The following ATP8B3 variants were observed in gnomAD, a reference collection of about 807,000 sequenced individuals.
The protein encoded by ATP8B3 is ATPase phospholipid transporting 8B3.
In ATP8B3, 141 loss-of-function variants were observed where a neutral mutation model predicts 140.9. The observed-to-expected ratio is 1.00, with a 90% CI of 0.87 to 1.15. ATP8B3 has a LOEUF of 1.15. Among genes scored for constraint, ATP8B3 ranks in the 50% most tolerant of loss-of-function variants. The probability of loss-of-function intolerance (pLI) is 0.00; values close to 1 mark genes in which losing one functional copy is unlikely to be tolerated. For synonymous variants in ATP8B3, 765 were observed against 714.6 expected, an observed-to-expected ratio of 1.07 and a Z score of -1.13; for missense variants, 1,874 against 1,740.6, an observed-to-expected ratio of 1.08 and a Z score of -1.36.
chr19:1,808,233 T>A lies in ATP8B3; in HGVS notation c.505A>T (p.Ile169Phe). The change falls in exon 5 of 29, where the codon ATC (isoleucine) becomes TTC (phenylalanine). Residue 169 changes from isoleucine (I) to phenylalanine (F), a missense_variant. Physicochemically the swap from Ile to Phe is conservative, Grantham distance 21 (BLOSUM62 0). Coordinates refer to ENST00000310127, the MANE Select transcript of ATP8B3 (RefSeq NM_138813.4). ...RVSNLFFLII[I>F]ILQSIPDIST... is the part of the protein sequence containing the mutation. ...GCAACACGCCTCACCTGCAGGATGATGATGATGAGGAAGAACAGGTTGGAC... is the reference window on the plus strand; with the variant it reads ...GCAACACGCCTCACCTGCAGGATGAAGATGATGAGGAAGAACAGGTTGGAC... The A allele has an allele frequency of 5.0e-6, 8 of 1,611,038 alleles. No individual in the cohort carries two copies. The highest frequency in any genetic ancestry group is 5.9e-6 in the Non-Finnish European group (7 of 1,178,156).
rs2068398780 is a variant in ATP8B3 at position 1,789,091 on chromosome 19, G to T, written c.2875C>A (p.Gln959Lys). 1.3e-6 allele frequency: 2 copies of T among 1,577,778 alleles called. No individual in the cohort carries two copies. The highest frequency in any genetic ancestry group is 1.3e-5 in the African/African-American group (1 of 74,250). Residue 959 changes from glutamine to lysine, a missense_variant, in exon 24 of 29, where the codon CAG becomes AAG. Coordinates refer to ENST00000310127, the MANE Select transcript of ATP8B3 (RefSeq NM_138813.4). ...TTCTGAACTGCCTGCATGCCCTCCT[G>T]GCCCGCCAGCCCCACGCCCACGTCC... The part of the protein sequence containing the change: ...TADVGVGLAG[Q>K]EGMQAVQNSD...
chr19:1,802,782 AG>A lies in ATP8B3; in HGVS notation c.905-138del, dbSNP rs2068896567. On this transcript the variant is annotated intron_variant, in intron 10 of 28. Transcript: ENST00000310127. ...CCCCAAACTTGCCCTATGGTGCCCC[AG>A]CACTGGGCTGCCTCCAAAGCCTTCC... 3 of 1,055,196 alleles carry A rather than the reference AG, an allele frequency of 2.8e-6. No homozygotes were observed. The East Asian group carries it at 7.9e-5, about 28-fold the overall frequency. 65.4% of individuals were successfully genotyped at this position (1,055,196 alleles called of 1,614,324 possible). A position where few individuals can be genotyped will look rare whatever the true frequency, so the allele number is the denominator to read the frequency against.
intron 25 of ATP8B3, among the ~76,000 whole-genome samples, chr19:1,786,191 C>T (rs755437271): frequency 1.3e-5 from 2 of 152,066 alleles, no homozygotes; most frequent in Non-Finnish European, 2.9e-5. Flanking sequence ...GCCACACGAA[C>T]GCACTAGGTG....
At position 1,795,838 on chromosome 19, in the gene ATP8B3, CACACACACAT is replaced by C. The variant is rs756963151; in HGVS notation, c.2055+27_2055+36del. 1.1e-4 allele frequency: 144 copies of C among 1,289,724 alleles called. No individual in the cohort carries two copies. In the African/African-American group the frequency reaches 1.3e-3, roughly 11 times the overall value. 79.9% of individuals were successfully genotyped at this position (1,289,724 alleles called of 1,614,324 possible). On this transcript the variant is annotated intron_variant, in intron 18 of 28. Transcript: ENST00000310127. ...ACACACACACACACACACACACACA[CACACACACAT>C]AAGCCAGCCTTCCTGAAGGGACTCA... is the stretch of plus-strand genomic sequence containing the variant.
chr19:1,805,998 A>G lies in ATP8B3; in HGVS notation c.751-40T>C. 1 of 1,608,532 alleles carries G rather than the reference A, an allele frequency of 6.2e-7. No individual in the cohort carries two copies. Among genetic ancestry groups the G allele is most frequent in the Non-Finnish European group, 8.5e-7 (1 of 1,178,720 alleles). On this transcript the variant is annotated intron_variant, in intron 8 of 28. Coordinates refer to ENST00000310127, the MANE Select transcript of ATP8B3 (RefSeq NM_138813.4). This position sits in a 1 kb window ranked among gnomAD's most constrained non-coding sequence, Gnocchi z 5.2. ...GGGGCAGCGTTGCAAGAGGGGATGC[A>G]AGACAAATTGGGGGTGCGGCAGCCC... is the stretch of plus-strand genomic sequence containing the variant.
intron 25 of ATP8B3, 32 bp downstream of exon 25, chr19:1,787,071 C>A: frequency 1.3e-6 from 2 of 1,540,454 alleles, no homozygotes; most frequent in Non-Finnish European, 1.8e-6. Context: ...AAGCAGAGAC[C>A]TGGAAGGAAG....
intron 18 of ATP8B3, 142 bp from the exon 19 acceptor site, chr19:1,792,277 G>A (rs1302902178): frequency 1.9e-6 from 2 of 1,026,324 alleles, no homozygotes; most frequent in Admixed American, 3.0e-5. Flanking sequence ...CAGCCAGAAG[G>A]GATTCAGAAA....
At chr19:1,793,082 CTTTTTTT>C (rs773629818) in intron 18 of ATP8B3, among the ~76,000 whole-genome samples, 1 of 138,250 alleles carries the variant, frequency 7.2e-6, no homozygotes. Context: ...ACAGCAAATT[CTTTTTTT>C]TTTTTTTTCT....
chr19:1,796,111 G>A lies in ATP8B3; in HGVS notation c.1908C>T (p.Asp636=). 2.5e-6 allele frequency: 4 copies of A among 1,613,014 alleles called. No individual in the cohort carries two copies. The highest frequency in any genetic ancestry group is 2.7e-5 in the African/African-American group (2 of 75,056). ...ACATCCGTTTGCGCGTGCTGTTGAA[G>A]TCCATTATGGCCAGGACCTGGTAGA... ...ERVYQVLAIM[D]FNSTRKRMSV... Residue 636 remains aspartate (D), a synonymous_variant, in exon 17 of 29, where the codon GAC becomes GAT. Transcript: ENST00000310127.
chr19:1,798,100 A>G (rs1036124257), intron 14 of ATP8B3, among the ~76,000 whole-genome samples: 2 of 151,830 alleles, frequency 1.3e-5, no homozygotes, highest in Non-Finnish European at 2.9e-5. Flanking sequence ...CCTCCTGAGT[A>G]GCTGGGACTA....
chr19:1,801,857 C>T (rs1247152160), intron 12 of ATP8B3, 99 bp downstream of exon 12: 2 of 893,526 alleles, frequency 2.2e-6, no homozygotes, highest in African/African-American at 3.3e-5. Context: ...GATCAGGCCG[C>T]ACATTTTGCA....
rs761032794 is a variant in ATP8B3 at position 1,782,869 on chromosome 19, A to G, written c.*159T>C. 8 of 911,092 alleles carry G rather than the reference A, an allele frequency of 8.8e-6. No individual in the cohort carries two copies. Among genetic ancestry groups the G allele is most frequent in the Non-Finnish European group, 1.3e-5 (8 of 614,054 alleles). The allele number at this position is 911,092 out of a possible 1,614,324, so 56.4% of individuals were successfully genotyped here. A position where few individuals can be genotyped will look rare whatever the true frequency, so the allele number is the denominator to read the frequency against. ...ATAGCCTGTTGCTGCTGGTGAGCAC[A>G]TATTTGGGGAGGGCAGGTTGGTTTT... On this transcript the variant is annotated 3_prime_UTR_variant, in exon 29 of 29. Transcript: ENST00000310127.
At chr19:1,784,073 G>A (rs995922950) in intron 28 of ATP8B3, among the ~76,000 whole-genome samples, 4 of 152,160 alleles carry the variant, frequency 2.6e-5, no homozygotes, top group African/African-American at 7.2e-5. Flanking sequence ...CGGCTCAGGC[G>A]TGTTTCATTG....
At chr19:1,790,257 G>A (rs1600406948) in intron 21 of ATP8B3, among the ~76,000 whole-genome samples, 1 of 29,416 alleles carries the variant, frequency 3.4e-5, no homozygotes, top group East Asian at 1.6e-3. Flanking sequence ...CCCCTCCACC[G>A]CCCACTCCCC....
intron 16 of ATP8B3, among the ~76,000 whole-genome samples, 165 bp downstream of exon 16, chr19:1,796,546 C>T (rs2068681621): frequency 6.6e-6 from 1 of 152,240 alleles, no homozygotes; most frequent in African/African-American, 2.4e-5. Flanking sequence ...TGTCTGGGCT[C>T]CAGGCCCGGA....
rs975462546 is a variant in ATP8B3 at position 1,812,252 on chromosome 19, A to G, written c.-215T>C. On this transcript the variant is annotated 5_prime_UTR_variant, in exon 1 of 29. Transcript: ENST00000310127. ...GGGCGGCGGACGTGGTGGAACCGTT[A>G]GCCCGGTGCCAACGGTCCTGAAACG... 2 of 150,472 alleles carry G rather than the reference A, an allele frequency of 1.3e-5. No individual in the cohort carries two copies. The highest frequency in any genetic ancestry group is 4.9e-5 in the African/African-American group (2 of 40,982). The allele number at this position is 150,472 out of a possible 1,614,324, so 9.3% of individuals were successfully genotyped here.
chr19:1,787,226 C>A, intron 24 of ATP8B3, 40 bp from the exon 25 acceptor site: 10 of 1,544,800 alleles, frequency 6.5e-6, no homozygotes, highest in Non-Finnish European at 8.8e-6. Context: ...AAGTCAGCCT[C>A]CAGGCACCCA....
In ATP8B3 at chr19:1,784,888, C is replaced by A. The variant is rs2068253070; in HGVS notation, c.3591G>T (p.Val1197=). The change falls in exon 28 of 29, where the codon GTG becomes GTT. Residue 1197 remains valine, a synonymous_variant. Transcript: ENST00000310127. ...CCAGGACAGGGAAGGTGTTTATGGA[C>A]ACACTCAGCAGGACCACCAGCAGGA... is the stretch of plus-strand genomic sequence containing the variant. ...PSILLVVLLS[V]SINTFPVLAL... The A allele has an allele frequency of 3.1e-6, 5 of 1,613,152 alleles. No homozygotes were observed. The highest frequency in any genetic ancestry group is 4.2e-6 in the Non-Finnish European group (5 of 1,179,692).
Position 1,785,494 on chromosome 19 carries a change from G to A in ATP8B3, c.3368C>T (p.Ser1123Phe), listed in dbSNP as rs1414781603. 6.2e-7 allele frequency: 1 copy of A among 1,612,904 alleles called. No homozygotes were observed. The highest frequency in any genetic ancestry group is 1.1e-5 in the South Asian group (1 of 91,078). The change falls in exon 26 of 29, where the codon TCT becomes TTT. Residue 1123 changes from serine to phenylalanine, a missense_variant. Transcript: ENST00000310127. ...HQSFAVVVAL[S>F]CLLSITMEVI... is the part of the protein sequence containing the mutation. ...CTCCATGGTGATGGACAGCAGGCAA[G>A]ACAGGGCCACCACGACCGCAAAGGA...
Sources: gnomAD v4.1 joint callset for allele counts (sites outside exome capture counted in the v4.1 genomes callset) on GRCh38, gnomAD v4.1.1 for gene constraint, Gnocchi (gnomAD v3.1) non-coding constraint, MANE v1.5 for transcripts, NCBI Gene and HGNC (gene_info 2026-07-23, HGNC 2026-07-21) for gene names.